ASTN2: variants seen among roughly 807,000 people sequenced by gnomAD.
ASTN2 encodes astrotactin-2.
Under a neutral mutation model 139.8 loss-of-function variants are expected in ASTN2, and 54 were observed. That is an observed-to-expected ratio of 0.39 (90% confidence interval 0.31 to 0.48). The LOEUF (loss-of-function observed/expected upper bound fraction) is 0.48. Among genes scored for constraint, ASTN2 ranks in the 20% least tolerant of loss-of-function variants. ASTN2 has a pLI of 0.95. For missense variants in ASTN2, 1,565 were observed against 1,725.1 expected (o/e 0.91, Z 1.64); for synonymous variants, 756 against 719.5 (o/e 1.05, Z -0.81).
intron 10 of ASTN2, among the ~76,000 whole-genome samples, chr9:116,893,971 C>A (rs1833825212): frequency 6.6e-6 from 1 of 152,192 alleles, no homozygotes; most frequent in African/African-American, 2.4e-5. Flanking sequence ...AGCACACTGA[C>A]TACCTCGCCA....
At chr9:116,943,477 G>C (rs1310832826) in intron 10 of ASTN2, among the ~76,000 whole-genome samples, 1 of 152,098 alleles carries the variant, frequency 6.6e-6, no homozygotes, top group Non-Finnish European at 1.5e-5. Context: ...TATTGGTAAT[G>C]GTTACACAAC....
chr9:116,630,210 T>A (rs550540958), intron 17 of ASTN2, among the ~76,000 whole-genome samples: 4 of 152,210 alleles, frequency 2.6e-5, no homozygotes, highest in African/African-American at 9.6e-5. Context: ...AGAGTTTGGG[T>A]TCCTTTCCTA....
At chr9:116,857,924 T>G (rs1393049780) in intron 11 of ASTN2, among the ~76,000 whole-genome samples, 3 of 152,216 alleles carry the variant, frequency 2.0e-5, no homozygotes, top group Non-Finnish European at 4.4e-5. Context: ...GCCTTGCAGC[T>G]TCTGCCTAGG....
intron 1 of ASTN2, among the ~76,000 whole-genome samples, chr9:117,385,812 G>A (rs753709105): frequency 2.0e-5 from 3 of 152,084 alleles, no homozygotes; most frequent in Non-Finnish European, 4.4e-5. Context: ...GAGCTAAACT[G>A]AGACAAAAGA....
intron 19 of ASTN2, among the ~76,000 whole-genome samples, chr9:116,564,199 T>C (rs1853067605): frequency 6.6e-6 from 1 of 152,208 alleles, no homozygotes; most frequent in African/African-American, 2.4e-5. Context: ...TGATTAACTT[T>C]TAGTGATCTC....
At chr9:117,158,760 T>G (rs1488828458) in intron 3 of ASTN2, among the ~76,000 whole-genome samples, 1 of 151,976 alleles carries the variant, frequency 6.6e-6, no homozygotes, top group African/African-American at 2.4e-5. Flanking sequence ...GAAACTTTGG[T>G]AAACAAAATT....
intron 20 of ASTN2, among the ~76,000 whole-genome samples, chr9:116,484,888 T>C (rs1475659256): frequency 2.6e-5 from 4 of 152,202 alleles, no homozygotes; most frequent in Non-Finnish European, 5.9e-5. Context: ...TCAGTGTTAA[T>C]TGCTTTCAGG....
chr9:116,927,137 G>T (rs1024767261), intron 10 of ASTN2, among the ~76,000 whole-genome samples: 1 of 152,162 alleles, frequency 6.6e-6, no homozygotes, highest in African/African-American at 2.4e-5. Context: ...AAAACCTTGA[G>T]CGTTTCACTG....
intron 12 of ASTN2, among the ~76,000 whole-genome samples, chr9:116,816,220 A>G (rs532594744): frequency 1.3e-4 from 20 of 152,228 alleles, no homozygotes; most frequent in Middle Eastern, 3.2e-3. Flanking sequence ...CTGTAAACAC[A>G]TACACACACA....
At chr9:117,155,561 CTG>C (rs1179367694) in intron 3 of ASTN2, among the ~76,000 whole-genome samples, 2 of 151,978 alleles carry the variant, frequency 1.3e-5, no homozygotes, top group Non-Finnish European at 2.9e-5. Flanking sequence ...AAGCCCCTCT[CTG>C]TGCAACACAG....
chr9:116,833,186 G>A (rs1301874433), intron 11 of ASTN2, among the ~76,000 whole-genome samples: 4 of 152,168 alleles, frequency 2.6e-5, no homozygotes, highest in African/African-American at 9.6e-5. Flanking sequence ...TCAAGTTTAT[G>A]TGTGTAAAAT....
intron 20 of ASTN2, among the ~76,000 whole-genome samples, chr9:116,473,589 T>C (rs1211424187): frequency 6.6e-6 from 1 of 152,122 alleles, no homozygotes; most frequent in African/African-American, 2.4e-5. Context: ...GGTCATCATT[T>C]CAGTTGGCAG....
At chr9:116,917,799 C>T (rs1451206284) in intron 10 of ASTN2, among the ~76,000 whole-genome samples, 1 of 152,158 alleles carries the variant, frequency 6.6e-6, no homozygotes, top group African/African-American at 2.4e-5. Context: ...GGATCTGGTA[C>T]TGTGTTAGGC....
intron 2 of ASTN2, among the ~76,000 whole-genome samples, chr9:117,279,726 C>G (rs1289039401): frequency 6.6e-6 from 1 of 152,190 alleles, no homozygotes; most frequent in East Asian, 1.9e-4. Context: ...TTTTTCATAA[C>G]TATAATAAAA....
At position 117,415,017 on chromosome 9, in the gene ASTN2, G is replaced by A. The variant is rs1462219997; in HGVS notation, c.-79C>T. On this transcript the variant is annotated 5_prime_UTR_variant, in exon 1 of 23. Transcript: ENST00000313400. ...AGGAGGAAGAGGAGGCAGCTGCGGA[G>A]ACGGCGGACGCCGAAGCGAACCAGG... 4.3e-5 allele frequency: 8 copies of A among 187,138 alleles called. No individual in the cohort carries two copies. The highest frequency in any genetic ancestry group is 8.5e-5 in the Non-Finnish European group (8 of 93,620). The allele number at this position is 187,138 out of a possible 1,614,324, so 11.6% of individuals were successfully genotyped here.
intron 16 of ASTN2, among the ~76,000 whole-genome samples, chr9:116,711,549 C>G (rs1199087703): frequency 6.6e-6 from 1 of 151,956 alleles, no homozygotes; most frequent in Admixed American, 6.6e-5. Flanking sequence ...TGGTGTATAC[C>G]CAGCTGCCCA....
intron 19 of ASTN2, chr9:116,543,535 A>G (rs1006036787): frequency 2.0e-5 from 3 of 152,152 alleles, no homozygotes; most frequent in Non-Finnish European, 4.4e-5. Flanking sequence ...TTTAACATTC[A>G]TTAAAAAACA....
At chr9:117,128,371 C>CAAAAAAAA (rs1167187783) in intron 4 of ASTN2, among the ~76,000 whole-genome samples, 3 of 66,412 alleles carry the variant, frequency 4.5e-5, no homozygotes, top group African/African-American at 1.8e-4. Context: ...GACACTGTCT[C>CAAAAAAAA]AAAAAAAAAA....
intron 20 of ASTN2, among the ~76,000 whole-genome samples, chr9:116,484,635 T>G (rs1334808175): frequency 6.6e-6 from 1 of 152,120 alleles, no homozygotes; most frequent in East Asian, 1.9e-4. Context: ...TGGTTCCTGG[T>G]CAGAGCGGCC....
Sources: gnomAD v4.1 joint callset for allele counts (sites outside exome capture counted in the v4.1 genomes callset) on GRCh38, gnomAD v4.1.1 for gene constraint, MANE v1.5 for transcripts, NCBI Gene and HGNC (gene_info 2026-07-23, HGNC 2026-07-21) for gene names.